PCDHGA1: variants seen among roughly 807,000 people sequenced by gnomAD.
PCDHGA1 encodes the protein protocadherin gamma subfamily A, 1.
PCDHGA1 carries 32 observed loss-of-function variants against 58.0 expected under a neutral mutation model. That is an observed-to-expected ratio of 0.55 (90% CI 0.42 to 0.74). The LOEUF (loss-of-function observed/expected upper bound fraction) is 0.74, where lower values mean the gene tolerates loss of function less well. Ranked by LOEUF, PCDHGA1 falls within the 30% of genes least tolerant of loss-of-function variation. PCDHGA1 has a pLI of 0.00. For synonymous variants in PCDHGA1, 498 were observed against 501.1 expected, an observed-to-expected ratio of 0.99 and a Z score of 0.08; for missense variants, 1,205 against 1,182.3, an observed-to-expected ratio of 1.02 and a Z score of -0.28.
rs1007767889 is a variant in PCDHGA1, at chr5:141,360,273, C to G, written c.2421+27168C>G. On this transcript the variant is annotated intron_variant, in intron 1 of 3. Coordinates refer to ENST00000517417, the MANE Select transcript of PCDHGA1 (RefSeq NM_018912.3). Reference sequence around the variant, plus strand: ...CAGAGGAGCTGGCCAAAAACTCGGTCGTAGGAAACCTCGCCAAGGATCTGG... The same window carrying G: ...CAGAGGAGCTGGCCAAAAACTCGGTGGTAGGAAACCTCGCCAAGGATCTGG... 6.8e-6 allele frequency: 11 copies of G among 1,613,778 alleles called. No individual in the cohort carries two copies. The Admixed American group carries it at 8.3e-5, about 12-fold the overall frequency.
intron 1 of PCDHGA1, among the ~76,000 whole-genome samples, chr5:141,482,356 G>A (rs1330274684): frequency 6.6e-6 from 1 of 152,118 alleles, no homozygotes; most frequent in Non-Finnish European, 1.5e-5. Flanking sequence ...TGTTGTGAGA[G>A]TGAAAAGTAA....
At chr5:141,483,706 C>T (rs1187078630) in intron 1 of PCDHGA1, among the ~76,000 whole-genome samples, 1 of 151,926 alleles carries the variant, frequency 6.6e-6, no homozygotes, top group African/African-American at 2.4e-5. Context: ...CTTTTTGACA[C>T]CAGAATATTG....
At chr5:141,358,969 G>C (rs1588537487) in intron 1 of PCDHGA1, among the ~76,000 whole-genome samples, 1 of 152,190 alleles carries the variant, frequency 6.6e-6, no homozygotes. Context: ...GGTTCTGTGA[G>C]AATTCAAAAT....
At chr5:141,484,877 G>T in intron 1 of PCDHGA1, 1 of 338,660 alleles carries the variant, frequency 3.0e-6, no homozygotes, top group Non-Finnish European at 5.4e-6. Context: ...GTGGAGGATA[G>T]GGTGGGCTTT....
rs1302496204 is a variant in PCDHGA1, at chr5:141,413,214, T to A, written c.2421+80109T>A. On this transcript the variant is annotated intron_variant, in intron 1 of 3. Coordinates refer to ENST00000517417, the MANE Select transcript of PCDHGA1 (RefSeq NM_018912.3). ...GGAATCGCTCAAAGGAATCAAAGGA[T>A]TGCAGCGGGCTGGTCCTGCTCTGCC... 6 of 1,613,176 alleles carry A rather than the reference T, an allele frequency of 3.7e-6. No homozygotes were observed. The African/African-American group carries it at 8.0e-5, about 22-fold the overall frequency.
intron 1 of PCDHGA1, chr5:141,357,065 A>G: frequency 6.2e-7 from 1 of 1,613,964 alleles, no homozygotes; most frequent in Non-Finnish European, 8.5e-7. Flanking sequence ...GTGGGGCTGC[A>G]CACAGGCGAG....
intron 1 of PCDHGA1, chr5:141,419,102 A>G (rs201327680): frequency 4.5e-5 from 73 of 1,613,748 alleles, no homozygotes; most frequent in Non-Finnish European, 5.9e-5. Flanking sequence ...TCGGGAGCAG[A>G]CCCCAGAGTA....
intron 1 of PCDHGA1, chr5:141,413,229 C>T (rs200934469): frequency 6.2e-7 from 1 of 1,613,914 alleles, no homozygotes; most frequent in African/African-American, 1.3e-5. Context: ...GCGGGCTGGT[C>T]CTGCTCTGCC....
rs951502238 is a variant in PCDHGA1 at position 141,478,263 on chromosome 5, A to G, written c.2422-16544A>G. ...ACAGTGTTCGGAGTAATCATATTCA[A>G]AGTTTACAAGTGGAAGCAGTCTAGA... On this transcript the variant is annotated intron_variant, in intron 1 of 3. Coordinates refer to ENST00000517417, the MANE Select transcript of PCDHGA1 (RefSeq NM_018912.3). The G allele has an allele frequency of 2.5e-6, 4 of 1,614,046 alleles. No individual in the cohort carries two copies. The African/African-American group carries it at 5.3e-5, about 22-fold the overall frequency.
intron 1 of PCDHGA1, chr5:141,419,308 C>G: frequency 6.2e-7 from 1 of 1,614,026 alleles, no homozygotes; most frequent in Non-Finnish European, 8.5e-7. Flanking sequence ...ACTTCGGGCT[C>G]AACGGCCGTG....
intron 1 of PCDHGA1, chr5:141,360,688 A>G: frequency 6.2e-7 from 1 of 1,613,902 alleles, no homozygotes; most frequent in Non-Finnish European, 8.5e-7. Context: ...TGAGAAACAG[A>G]CTCCAGATGG....
At chr5:141,344,067 G>C in intron 1 of PCDHGA1, 1 of 1,598,818 alleles carries the variant, frequency 6.3e-7, no homozygotes, top group Non-Finnish European at 8.5e-7. Flanking sequence ...AAATGGCAGA[G>C]GACTGGCCCT....
rs2099695548 is a variant in PCDHGA1, at chr5:141,490,059, C to T, written c.2422-4748C>T. On this transcript the variant is annotated intron_variant, in intron 1 of 3. Coordinates refer to ENST00000517417, the MANE Select transcript of PCDHGA1 (RefSeq NM_018912.3). The surrounding 1 kb of genome is among the most constrained non-coding windows in gnomAD (Gnocchi z 5.4). ...ATGCCACTGATCCAGACGAGGGCAC[C>T]AACGGCCAACTAGACTATTCTTTTG... 1.2e-6 allele frequency: 2 copies of T among 1,614,242 alleles called. No individual in the cohort carries two copies. The highest frequency in any genetic ancestry group is 1.7e-6 in the Non-Finnish European group (2 of 1,180,030).
intron 1 of PCDHGA1, chr5:141,427,176 G>A (rs777424789): frequency 2.2e-6 from 1 of 456,742 alleles, no homozygotes; most frequent in Non-Finnish European, 4.4e-6. Context: ...TCAAAATGGG[G>A]AAATTAAATC....
At chr5:141,355,118 T>C in intron 1 of PCDHGA1, 1 of 1,514,140 alleles carries the variant, frequency 6.6e-7, no homozygotes, top group Non-Finnish European at 8.8e-7. Context: ...ATGCACTTTA[T>C]TTTGGACCCA....
chr5:141,491,964 C>T lies in PCDHGA1; in HGVS notation c.2422-2843C>T, dbSNP rs1382490003. 2.1e-6 allele frequency: 2 copies of T among 943,836 alleles called. No individual in the cohort carries two copies. The highest frequency in any genetic ancestry group is 3.0e-6 in the Non-Finnish European group (2 of 671,104). 58.5% of individuals were successfully genotyped at this position (943,836 alleles called of 1,614,324 possible). On this transcript the variant is annotated intron_variant, in intron 1 of 3. Transcript: ENST00000517417. The surrounding 1 kb of genome is among the most constrained non-coding windows in gnomAD (Gnocchi z 6.9). ...CCCCACCCCTACACTCAAAAAAGGC[C>T]GGGGCCTCCTTCGAGCTTCCGGTGA...
chr5:141,392,976 G>T (rs892304367), intron 1 of PCDHGA1: 1 of 1,613,866 alleles, frequency 6.2e-7, no homozygotes, highest in South Asian at 1.1e-5. Flanking sequence ...CCTGGGGCTG[G>T]ACCCCCGGAA....
rs547284271 is a variant in PCDHGA1 at position 141,489,064 on chromosome 5, C to G, written c.2422-5743C>G. On this transcript the variant is annotated intron_variant, in intron 1 of 3. Coordinates refer to ENST00000517417, the MANE Select transcript of PCDHGA1 (RefSeq NM_018912.3). This position sits in a 1 kb window ranked among gnomAD's most constrained non-coding sequence, Gnocchi z 4.5. ...TCCACTCAAATTCAGCTCCCCTCCC[C>G]CCTGCCCACCCCCGCCACTCGGTGA... 1.9e-4 allele frequency: 74 copies of G among 387,742 alleles called. No homozygotes were observed. The highest frequency in any genetic ancestry group is 1.5e-3 in the African/African-American group (70 of 47,296). The allele number at this position is 387,742 out of a possible 1,614,324, so 24.0% of individuals were successfully genotyped here. A position where few individuals can be genotyped will look rare whatever the true frequency, so the allele number is the denominator to read the frequency against.
chr5:141,375,150 T>G, intron 1 of PCDHGA1: 1 of 1,613,946 alleles, frequency 6.2e-7, no homozygotes, highest in Non-Finnish European at 8.5e-7. Context: ...AGCAGAACAA[T>G]TGCTGAAAGT....
Sources: allele counts gnomAD v4.1 joint callset (sites outside exome capture counted in the v4.1 genomes callset), GRCh38; gene constraint gnomAD v4.1.1; non-coding constraint Gnocchi (gnomAD v3.1); transcripts MANE v1.5; gene names NCBI Gene and HGNC (gene_info 2026-07-23, HGNC 2026-07-21).